Variants in GALNT17 observed in about 807,000 individuals in gnomAD.
GALNT17 encodes UDP-GalNAc:polypeptide N-acetylgalactosaminyltransferase-like 3.
In GALNT17, 29 loss-of-function variants were observed where a neutral mutation model predicts 63.7. The ratio of observed to expected loss-of-function variants is 0.46; its 90% confidence interval spans 0.34 to 0.62. GALNT17 has a LOEUF of 0.62. Among genes scored for constraint, GALNT17 ranks in the 20% least tolerant of loss-of-function variants. GALNT17 has a pLI of 0.01. For missense variants in GALNT17, 603 were observed against 799.6 expected (o/e 0.75, Z 2.97); for synonymous variants, 305 against 318.3 (o/e 0.96, Z 0.45).
chr7:71,500,782 G>C (rs1322860098), intron 5 of GALNT17, among the ~76,000 whole-genome samples: 56 of 152,010 alleles, frequency 3.7e-4, no homozygotes, highest in Non-Finnish European at 8.8e-5. Flanking sequence ...CCAACCCCAA[G>C]TGGCCGTTCA....
intron 1 of GALNT17, among the ~76,000 whole-genome samples, chr7:71,168,726 TG>T (rs1562881208): frequency 6.6e-6 from 1 of 151,902 alleles, no homozygotes; most frequent in Non-Finnish European, 1.5e-5. Flanking sequence ...TGTGTGTGTG[TG>T]TGTGTGTGGT....
intron 1 of GALNT17, among the ~76,000 whole-genome samples, chr7:71,297,049 T>C (rs1055840051): frequency 6.6e-6 from 1 of 152,222 alleles, no homozygotes; most frequent in African/African-American, 2.4e-5. Context: ...GCTTTTCTTA[T>C]TGCTTAAGCC....
At chr7:71,532,319 A>C (rs1013226819) in intron 5 of GALNT17, among the ~76,000 whole-genome samples, 5 of 152,162 alleles carry the variant, frequency 3.3e-5, no homozygotes, top group African/African-American at 9.7e-5. Context: ...AGGGTCTGGA[A>C]AATGTGTTTG....
At chr7:71,308,630 G>T in intron 1 of GALNT17, among the ~76,000 whole-genome samples, 1 of 151,988 alleles carries the variant, frequency 6.6e-6, no homozygotes, top group East Asian at 1.9e-4. Context: ...CAGGCACTTT[G>T]CACGAGATAA....
At chr7:71,618,064 A>T (rs1008593690) in intron 6 of GALNT17, among the ~76,000 whole-genome samples, 4 of 152,180 alleles carry the variant, frequency 2.6e-5, no homozygotes, top group Non-Finnish European at 5.9e-5. Flanking sequence ...AAGTGAGAAC[A>T]TGCAGGATTT....
intron 6 of GALNT17, among the ~76,000 whole-genome samples, chr7:71,573,431 C>T (rs951789435): frequency 3.3e-5 from 5 of 151,954 alleles, no homozygotes; most frequent in Non-Finnish European, 5.9e-5. Context: ...CCTGGGTTCA[C>T]GCCATTCTCC....
intron 5 of GALNT17, among the ~76,000 whole-genome samples, chr7:71,526,769 C>T (rs1023629974): frequency 1.3e-5 from 2 of 152,134 alleles, no homozygotes; most frequent in Non-Finnish European, 2.9e-5. Context: ...CTGCCTTGGC[C>T]TCCTGAAGTG....
At chr7:71,371,578 C>A (rs868211137) in intron 2 of GALNT17, among the ~76,000 whole-genome samples, 1 of 151,984 alleles carries the variant, frequency 6.6e-6, no homozygotes, top group African/African-American at 2.4e-5. Context: ...TGCAATTTGC[C>A]GTTGTCTTTT....
chr7:71,431,963 T>G (rs1430701417), intron 5 of GALNT17, among the ~76,000 whole-genome samples: 2 of 151,914 alleles, frequency 1.3e-5, no homozygotes, highest in African/African-American at 4.8e-5. Context: ...TCACCTGAGG[T>G]CAGGAATTCA....
At chr7:71,657,970 T>C (rs1790854415) in intron 6 of GALNT17, among the ~76,000 whole-genome samples, 1 of 152,116 alleles carries the variant, frequency 6.6e-6, no homozygotes, top group Non-Finnish European at 1.5e-5. Context: ...GGTGGCATCA[T>C]CATAGCTCAC....
intron 1 of GALNT17, among the ~76,000 whole-genome samples, chr7:71,223,701 TCCTC>T (rs1283258375): frequency 1.3e-5 from 2 of 152,134 alleles, no homozygotes; most frequent in Non-Finnish European, 2.9e-5. Flanking sequence ...CTCCTCTCCT[TCCTC>T]CCACCCTCCA....
Position 71,494,302 on chromosome 7 carries a change from G to A in GALNT17, c.962+73197G>A, listed in dbSNP as rs143826050. Reference sequence around the variant, plus strand: ...TCCCACCAGGCCCCTCCATCAACACGTGGGGATTATGGGGATTATAATTCG... The same window carrying A: ...TCCCACCAGGCCCCTCCATCAACACATGGGGATTATGGGGATTATAATTCG... On this transcript the variant is annotated intron_variant, in intron 5 of 10. Transcript: ENST00000333538. Among the ~76,000 whole-genome samples the A allele has an allele frequency of 2.4e-3, 364 of 152,198 alleles. 4 individuals are homozygous for A. Among genetic ancestry groups the A allele is most frequent in the African/African-American group, 8.4e-3 (349 of 41,542 alleles).
At chr7:71,615,341 A>G (rs553787683) in intron 6 of GALNT17, among the ~76,000 whole-genome samples, 2 of 152,048 alleles carry the variant, frequency 1.3e-5, no homozygotes, top group East Asian at 1.9e-4. Flanking sequence ...CTGGCCCTCC[A>G]TCTGCCAGCG....
At chr7:71,468,427 T>C (rs1787573096) in intron 5 of GALNT17, among the ~76,000 whole-genome samples, 1 of 151,246 alleles carries the variant, frequency 6.6e-6, no homozygotes, top group South Asian at 2.1e-4. Context: ...TATTATTTTT[T>C]TTAATTGGAG....
At chr7:71,271,604 C>T (rs1210594189) in intron 1 of GALNT17, among the ~76,000 whole-genome samples, 2 of 152,212 alleles carry the variant, frequency 1.3e-5, no homozygotes, top group African/African-American at 4.8e-5. Context: ...CAGGCGATAA[C>T]ATTCACCCTT....
intron 2 of GALNT17, among the ~76,000 whole-genome samples, chr7:71,367,212 C>T (rs958492656): frequency 6.6e-6 from 1 of 152,230 alleles, no homozygotes; most frequent in Non-Finnish European, 1.5e-5. Context: ...TCTTGCCTCT[C>T]CTCATCAATA....
At chr7:71,145,313 A>G (rs1787996990) in intron 1 of GALNT17, among the ~76,000 whole-genome samples, 1 of 152,222 alleles carries the variant, frequency 6.6e-6, no homozygotes, top group African/African-American at 2.4e-5. Flanking sequence ...CTGGCAACAA[A>G]GCGAGACTCC....
intron 1 of GALNT17, among the ~76,000 whole-genome samples, chr7:71,308,949 G>A (rs1372493975): frequency 6.6e-6 from 1 of 151,890 alleles, no homozygotes; most frequent in Non-Finnish European, 1.5e-5. Context: ...TCACCATGTT[G>A]GCCATACTGG....
intron 5 of GALNT17, among the ~76,000 whole-genome samples, chr7:71,483,826 TTTTC>T (rs1364588271): frequency 1.3e-5 from 2 of 152,186 alleles, no homozygotes; most frequent in East Asian, 3.9e-4. Context: ...TACAAAAATA[TTTTC>T]TTTCTTTATA....
Sources: allele counts gnomAD v4.1 joint callset (sites outside exome capture counted in the v4.1 genomes callset), GRCh38; gene constraint gnomAD v4.1.1; transcripts MANE v1.5; gene names NCBI Gene and HGNC (gene_info 2026-07-23, HGNC 2026-07-21).